The following COL25A1 variants were observed in gnomAD, a reference collection of about 807,000 sequenced individuals.
COL25A1 encodes the protein collagen alpha-1(XXV) chain.
COL25A1 carries 103 observed loss-of-function variants against 128.4 expected under a neutral mutation model. The observed-to-expected ratio is 0.80, with a 90% CI of 0.68 to 0.94. COL25A1 has a LOEUF of 0.94. Ranked by LOEUF, COL25A1 falls within the 40% of genes least tolerant of loss-of-function variation. The probability of loss-of-function intolerance (pLI) is 0.00; values close to 1 mark genes in which losing one functional copy is unlikely to be tolerated. For synonymous variants in COL25A1, 279 were observed against 277.2 expected, an observed-to-expected ratio of 1.01 and a Z score of -0.06; for missense variants, 745 against 840.0, an observed-to-expected ratio of 0.89 and a Z score of 1.40.
intron 8 of COL25A1, among the ~76,000 whole-genome samples, chr4:108,958,233 A>G (rs934868922): frequency 6.6e-6 from 1 of 152,050 alleles, no homozygotes; most frequent in Admixed American, 6.6e-5. Flanking sequence ...ACTCCAAACA[A>G]TTCATGATCT....
chr4:109,125,276 T>C (rs201114075), intron 3 of COL25A1, among the ~76,000 whole-genome samples: 10 of 152,232 alleles, frequency 6.6e-5, no homozygotes, highest in Non-Finnish European at 1.2e-4. Context: ...CAAGGACTTT[T>C]TGGAAGGCAG....
intron 3 of COL25A1, among the ~76,000 whole-genome samples, chr4:109,272,876 G>C (rs1199296692): frequency 6.6e-6 from 1 of 152,180 alleles, no homozygotes; most frequent in Non-Finnish European, 1.5e-5. Flanking sequence ...AATACAGCAG[G>C]TCTGAGGGAG....
At chr4:109,168,178 T>A (rs2126127749) in intron 3 of COL25A1, among the ~76,000 whole-genome samples, 1 of 152,268 alleles carries the variant, frequency 6.6e-6, no homozygotes. Flanking sequence ...GCTAGGATTG[T>A]TTTCAAGGTT....
At chr4:108,950,978 A>G (rs1749354436) in intron 8 of COL25A1, among the ~76,000 whole-genome samples, 1 of 152,204 alleles carries the variant, frequency 6.6e-6, no homozygotes, top group Non-Finnish European at 1.5e-5. Context: ...AAATTGAGAC[A>G]CGTGAAGATG....
In COL25A1 at chr4:109,210,237, T is replaced by A. The variant is rs534735993; in HGVS notation, c.367+90346A>T. On this transcript the variant is annotated intron_variant, in intron 3 of 37. Transcript: ENST00000399132. Reference sequence around the variant, plus strand: ...ACTAGTATCAAAACAAATTGCAATATGGTTGTCAAAAAACTCCATTTTATA... The same window carrying A: ...ACTAGTATCAAAACAAATTGCAATAAGGTTGTCAAAAAACTCCATTTTATA... Among the ~76,000 whole-genome samples, 4 of 152,230 alleles carry A rather than the reference T, an allele frequency of 2.6e-5. No homozygotes were observed. In the East Asian group the frequency reaches 7.7e-4, roughly 29 times the overall value.
chr4:108,899,218 T>C, intron 14 of COL25A1, 38 bp from the exon 15 acceptor site: 1 of 1,563,372 alleles, frequency 6.4e-7, no homozygotes, highest in South Asian at 1.2e-5. Context: ...CATCAAATCA[T>C]AAAACACCTA....
intron 31 of COL25A1, 150 bp downstream of exon 31, chr4:108,841,545 A>G (rs1238552526): frequency 9.7e-6 from 6 of 618,802 alleles, no homozygotes; most frequent in Non-Finnish European, 1.7e-5. Context: ...ATTTTGTGTT[A>G]TGAGATTTAA....
At chr4:108,837,960 G>A (rs993980317) in intron 31 of COL25A1, 8 of 687,466 alleles carry the variant, frequency 1.2e-5, no homozygotes, top group Non-Finnish European at 1.8e-5. Context: ...AAACTGGGCT[G>A]AGCTCTGCTC....
intron 24 of COL25A1, among the ~76,000 whole-genome samples, 197 bp from the exon 25 acceptor site, chr4:108,853,122 T>C (rs879941828): frequency 5.9e-5 from 9 of 152,182 alleles, no homozygotes; most frequent in Non-Finnish European, 1.3e-4. Flanking sequence ...AAATTATTTT[T>C]AGAATCCTAT....
intron 3 of COL25A1, among the ~76,000 whole-genome samples, chr4:109,236,039 G>A (rs1295403432): frequency 6.6e-6 from 1 of 151,576 alleles, no homozygotes; most frequent in Non-Finnish European, 1.5e-5. Context: ...CTTATATATT[G>A]CTTATACTTT....
chr4:109,302,171 C>CT lies in COL25A1; in HGVS notation c.-60dup. 1 of 969,506 alleles carries CT rather than the reference C, an allele frequency of 1.0e-6. No individual in the cohort carries two copies. The highest frequency in any genetic ancestry group is 1.8e-5 in the South Asian group (1 of 54,094). The allele number at this position is 969,506 out of a possible 1,614,324, so 60.1% of individuals were successfully genotyped here. A position where few individuals can be genotyped will look rare whatever the true frequency, so the allele number is the denominator to read the frequency against. On this transcript the variant is annotated 5_prime_UTR_variant, in exon 1 of 38. Transcript: ENST00000399132. ...CAAGCCCACGAGCGGATACGGACCC[C>CT]TGCCTTGCTCAGCGTCCAGACCCGC... is the stretch of plus-strand genomic sequence containing the variant.
intron 3 of COL25A1, among the ~76,000 whole-genome samples, chr4:109,143,343 T>C (rs1339403305): frequency 1.3e-5 from 2 of 152,238 alleles, no homozygotes; most frequent in Non-Finnish European, 2.9e-5. Flanking sequence ...TAACGTTTTT[T>C]CCTTCATTTT....
intron 10 of COL25A1, among the ~76,000 whole-genome samples, chr4:108,940,239 T>C (rs1747922021): frequency 6.6e-6 from 1 of 152,198 alleles, no homozygotes; most frequent in Non-Finnish European, 1.5e-5. Context: ...CAAAGACTTC[T>C]TGAGGCTTAC....
intron 31 of COL25A1, among the ~76,000 whole-genome samples, chr4:108,840,496 C>T (rs1281206987): frequency 6.6e-6 from 1 of 152,060 alleles, no homozygotes; most frequent in African/African-American, 2.4e-5. Flanking sequence ...TCTTGGGTGT[C>T]ACCTGCCTGA....
intron 5 of COL25A1, among the ~76,000 whole-genome samples, chr4:109,014,236 G>A (rs1056988221): frequency 2.0e-5 from 3 of 152,230 alleles, no homozygotes; most frequent in South Asian, 2.1e-4. Flanking sequence ...GAGTCCGGGG[G>A]GCAGAGGTTG....
chr4:108,867,532 T>C (rs1383527879), intron 20 of COL25A1, among the ~76,000 whole-genome samples: 1 of 152,202 alleles, frequency 6.6e-6, no homozygotes, highest in Admixed American at 6.5e-5. Context: ...CAATTTTGCA[T>C]AATCTGATGG....
intron 3 of COL25A1, among the ~76,000 whole-genome samples, chr4:109,060,078 GA>G (rs1761822235): frequency 6.6e-6 from 1 of 152,094 alleles, no homozygotes. Flanking sequence ...TAACCTCTCA[GA>G]AACCCTTGTT....
At chr4:109,249,643 TAA>T (rs1219025589) in intron 3 of COL25A1, among the ~76,000 whole-genome samples, 1 of 152,188 alleles carries the variant, frequency 6.6e-6, no homozygotes, top group East Asian at 1.9e-4. Flanking sequence ...AAGGATTTAC[TAA>T]AAAGAAAAAG....
intron 6 of COL25A1, among the ~76,000 whole-genome samples, chr4:108,986,232 T>G (rs953153616): frequency 2.0e-5 from 3 of 152,204 alleles, no homozygotes; most frequent in Non-Finnish European, 2.9e-5. Flanking sequence ...TAAAGCACAT[T>G]GCTGAGCATA....
Sources: gnomAD v4.1 joint callset for allele counts (sites outside exome capture counted in the v4.1 genomes callset) on GRCh38, gnomAD v4.1.1 for gene constraint, MANE v1.5 for transcripts, NCBI Gene and HGNC (gene_info 2026-07-23, HGNC 2026-07-21) for gene names.